NKAIN2: variants seen among roughly 807,000 people sequenced by gnomAD.
The protein encoded by NKAIN2 is sodium/potassium-transporting ATPase subunit beta-1-interacting protein 2.
NKAIN2 carries 14 observed loss-of-function variants against 32.6 expected under a neutral mutation model. That is an observed-to-expected ratio of 0.43 (90% confidence interval 0.28 to 0.67). NKAIN2 has a LOEUF of 0.67. NKAIN2 is among the 30% of genes least tolerant of loss of function. The pLI is 0.17. For missense variants in NKAIN2, 198 were observed against 258.3 expected, an observed-to-expected ratio of 0.77 and a Z score of 1.60; for synonymous variants, 80 against 87.2, an observed-to-expected ratio of 0.92 and a Z score of 0.46.
chr6:124,706,505 CA>C (rs772823814), intron 4 of NKAIN2, among the ~76,000 whole-genome samples: 1 of 151,110 alleles, frequency 6.6e-6, no homozygotes, highest in Admixed American at 6.6e-5. Flanking sequence ...TCAAAAAAAA[CA>C]AAAAAAAGAT....
At chr6:124,469,055 C>T (rs1305889413) in intron 3 of NKAIN2, among the ~76,000 whole-genome samples, 1 of 152,174 alleles carries the variant, frequency 6.6e-6, no homozygotes, top group East Asian at 1.9e-4. Context: ...ACTCCAGAGA[C>T]CCATATTCCC....
intron 1 of NKAIN2, among the ~76,000 whole-genome samples, chr6:124,022,290 A>G (rs1437969237): frequency 6.6e-6 from 1 of 152,128 alleles, no homozygotes; most frequent in East Asian, 1.9e-4. Context: ...AATCCAGTCT[A>G]TCATTGATGG....
intron 1 of NKAIN2, among the ~76,000 whole-genome samples, chr6:124,141,818 C>T (rs1280194532): frequency 6.6e-6 from 1 of 152,094 alleles, no homozygotes; most frequent in Non-Finnish European, 1.5e-5. Flanking sequence ...TCACAATTAC[C>T]ATGTCTTCTT....
At chr6:124,286,634 T>C (rs1311855502) in intron 2 of NKAIN2, among the ~76,000 whole-genome samples, 1 of 147,674 alleles carries the variant, frequency 6.8e-6, no homozygotes, top group Non-Finnish European at 1.5e-5. Flanking sequence ...TGTTTTCTGT[T>C]TGGAAAATTG....
At chr6:123,916,780 T>C (rs561235298) in intron 1 of NKAIN2, among the ~76,000 whole-genome samples, 1 of 149,416 alleles carries the variant, frequency 6.7e-6, no homozygotes, top group Non-Finnish European at 1.5e-5. Flanking sequence ...TATCTATGTA[T>C]CTATGTATCT....
chr6:124,544,694 T>G (rs982295349), intron 3 of NKAIN2, among the ~76,000 whole-genome samples: 6 of 151,996 alleles, frequency 3.9e-5, no homozygotes, highest in African/African-American at 1.5e-4. Context: ...TCTGATTAAA[T>G]ACAATGAGTT....
intron 1 of NKAIN2, among the ~76,000 whole-genome samples, chr6:124,001,066 T>C (rs1779858539): frequency 6.6e-6 from 1 of 152,102 alleles, no homozygotes; most frequent in South Asian, 2.1e-4. Flanking sequence ...CTCAGTGGAA[T>C]TGGAATGTGA....
intron 1 of NKAIN2, among the ~76,000 whole-genome samples, chr6:123,827,607 T>G (rs1774201320): frequency 6.6e-6 from 1 of 152,162 alleles, no homozygotes; most frequent in African/African-American, 2.4e-5. Context: ...AAATATTGAG[T>G]ATGTGAAAAT....
intron 4 of NKAIN2, among the ~76,000 whole-genome samples, chr6:124,698,968 A>G (rs1372493769): frequency 6.6e-6 from 1 of 152,214 alleles, no homozygotes; most frequent in Non-Finnish European, 1.5e-5. Flanking sequence ...CAGGCCTAGC[A>G]ATTCCACTCA....
intron 2 of NKAIN2, among the ~76,000 whole-genome samples, chr6:124,332,339 A>G (rs904773650): frequency 2.6e-5 from 4 of 151,756 alleles, no homozygotes; most frequent in African/African-American, 9.7e-5. Flanking sequence ...CTTGCAGAGC[A>G]CTCTTACTTG....
intron 1 of NKAIN2, among the ~76,000 whole-genome samples, chr6:124,239,322 A>G (rs1346884943): frequency 2.0e-5 from 3 of 152,124 alleles, no homozygotes; most frequent in Non-Finnish European, 4.4e-5. Context: ...CACTGTCAAT[A>G]TTAGACAGAT....
chr6:124,654,648 T>C (rs1784475671), intron 3 of NKAIN2, among the ~76,000 whole-genome samples: 1 of 152,214 alleles, frequency 6.6e-6, no homozygotes, highest in Admixed American at 6.5e-5. Flanking sequence ...CAGATGTGAC[T>C]ACTTAATGAG....
At chr6:124,178,533 G>C (rs1022561484) in intron 1 of NKAIN2, among the ~76,000 whole-genome samples, 3 of 152,034 alleles carry the variant, frequency 2.0e-5, no homozygotes, top group Non-Finnish European at 2.9e-5. Flanking sequence ...TCCTGATCTT[G>C]TGATCCACCC....
At chr6:124,554,307 C>A (rs973283022) in intron 3 of NKAIN2, among the ~76,000 whole-genome samples, 1 of 152,158 alleles carries the variant, frequency 6.6e-6, no homozygotes, top group Admixed American at 6.5e-5. Flanking sequence ...TTTCTGCTGC[C>A]AGTGTGGGGG....
At position 124,088,939 on chromosome 6, in the gene NKAIN2, C is replaced by G. The variant is rs114551758; in HGVS notation, c.55-194066C>G. Among the ~76,000 whole-genome samples the G allele has an allele frequency of 1.4e-3, 219 of 152,046 alleles. 2 individuals carry two copies. The highest frequency in any genetic ancestry group is 5.0e-3 in the African/African-American group (208 of 41,510). On this transcript the variant is annotated intron_variant, in intron 1 of 6. Transcript: ENST00000368417. ...TATTTTCACATGACTTATCTTAGCA[C>G]AATAGTGGGAAGTGTTGTAGATATT...
chr6:123,930,052 G>T (rs1316402009), intron 1 of NKAIN2, among the ~76,000 whole-genome samples: 1 of 151,956 alleles, frequency 6.6e-6, no homozygotes, highest in Non-Finnish European at 1.5e-5. Flanking sequence ...ACAACTCTTG[G>T]TCTTGTACAA....
intron 3 of NKAIN2, among the ~76,000 whole-genome samples, chr6:124,642,063 T>C (rs539371799): frequency 6.6e-6 from 1 of 152,296 alleles, no homozygotes; most frequent in African/African-American, 2.4e-5. Flanking sequence ...AAGTTACCCA[T>C]AGTTGAAGAC....
intron 1 of NKAIN2, among the ~76,000 whole-genome samples, chr6:124,052,778 T>C (rs924992590): frequency 2.0e-5 from 3 of 152,080 alleles, no homozygotes; most frequent in African/African-American, 4.8e-5. Context: ...AGCATCTGGA[T>C]GAAGAAAGTC....
At chr6:123,809,602 A>G (rs1773369054) in intron 1 of NKAIN2, among the ~76,000 whole-genome samples, 1 of 152,156 alleles carries the variant, frequency 6.6e-6, no homozygotes, top group South Asian at 2.1e-4. Context: ...GTGCGCACGT[A>G]ATAAATTTGT....
Sources: allele counts gnomAD v4.1 joint callset (sites outside exome capture counted in the v4.1 genomes callset), GRCh38; gene constraint gnomAD v4.1.1; transcripts MANE v1.5; gene names NCBI Gene and HGNC (gene_info 2026-07-23, HGNC 2026-07-21).